CECR2: variants seen among roughly 807,000 people sequenced by gnomAD.
CECR2 encodes the protein CECR2 histone acetyl-lysine reader.
Under a neutral mutation model 154.5 loss-of-function variants are expected in CECR2, and 30 were observed. The observed-to-expected ratio is 0.19, with a 90% CI of 0.15 to 0.26. The LOEUF is 0.26. Ranked by LOEUF, CECR2 falls within the 10% of genes least tolerant of loss-of-function variation. The pLI, the probability that CECR2 is intolerant of heterozygous loss-of-function variation, is 1.00. For synonymous variants in CECR2, 725 were observed against 683.7 expected, an observed-to-expected ratio of 1.06 and a Z score of -0.94; for missense variants, 1,743 against 1,829.3, an observed-to-expected ratio of 0.95 and a Z score of 0.86.
intron 8 of CECR2, among the ~76,000 whole-genome samples, chr22:17,521,127 G>A (rs1210908736): frequency 6.6e-6 from 1 of 152,100 alleles, no homozygotes; most frequent in African/African-American, 2.4e-5. Context: ...TTTAATGATC[G>A]CCATTCTAAC....
chr22:17,508,086 T>C (rs2055879044), intron 7 of CECR2, among the ~76,000 whole-genome samples: 1 of 152,222 alleles, frequency 6.6e-6, no homozygotes, highest in African/African-American at 2.4e-5. Flanking sequence ...CCATAGTATA[T>C]ACAATAATGC....
In CECR2 at chr22:17,478,197, G is replaced by A. The variant is rs540018538; in HGVS notation, c.221+515G>A. On this transcript the variant is annotated intron_variant, in intron 2 of 18. Transcript: ENST00000262608. Reference sequence around the variant, plus strand: ...TTGTTTTGATCTTTACTTAATACACGTTTCTTTGCTATGTGTCTATATAGG... The same window carrying A: ...TTGTTTTGATCTTTACTTAATACACATTTCTTTGCTATGTGTCTATATAGG... Among the ~76,000 whole-genome samples the A allele has an allele frequency of 1.0e-3, 152 of 152,096 alleles. 8 individuals are homozygous for A. The South Asian group carries it at 0.03, about 30-fold the overall frequency.
At chr22:17,541,170 A>T (rs2056517346) in intron 14 of CECR2, among the ~76,000 whole-genome samples, 1 of 152,106 alleles carries the variant, frequency 6.6e-6, no homozygotes, top group Non-Finnish European at 1.5e-5. Context: ...AAAAATATGT[A>T]ATCTGGCTGG....
At chr22:17,415,572 T>C (rs1417527771) in intron 1 of CECR2, among the ~76,000 whole-genome samples, 1 of 152,230 alleles carries the variant, frequency 6.6e-6, no homozygotes, top group Non-Finnish European at 1.5e-5. Context: ...TTTAAATTAC[T>C]GTGCCTTCTA....
chr22:17,403,034 G>A (rs923449695), intron 1 of CECR2, among the ~76,000 whole-genome samples: 2 of 152,200 alleles, frequency 1.3e-5, no homozygotes, highest in Admixed American at 6.5e-5. Context: ...GATTACAGGC[G>A]TGAGCCAGCG....
In CECR2 at chr22:17,542,585, G is replaced by A; in HGVS notation, c.2442G>A (p.Met814Ile). The A allele has an allele frequency of 1.2e-6, 2 of 1,613,944 alleles. No individual in the cohort carries two copies. The highest frequency in any genetic ancestry group is 1.7e-6 in the Non-Finnish European group (2 of 1,179,858). The change falls in exon 16 of 19, where the codon ATG becomes ATA. Residue 814 changes from methionine to isoleucine, a missense_variant. This residue lies in a region of CECR2 where 1,250 missense variants were observed against 1,192.1 expected (regional missense o/e 1.05). Coordinates refer to ENST00000262608, the MANE Select transcript of CECR2 (RefSeq NM_001290047.2). Reference protein sequence around the residue: ...TLGHVMDSRVMRPPVPPNQWT... With the variant: ...TLGHVMDSRVIRPPVPPNQWT... ...GTCACGTGATGGATTCCCGAGTCAT[G>A]AGACCACCTGTCCCCCCCAACCAGT...
Position 17,542,868 on chromosome 22 carries a change from C to T in CECR2, c.2725C>T (p.His909Tyr). 2.5e-6 allele frequency: 4 copies of T among 1,613,958 alleles called. No homozygotes were observed. The highest frequency in any genetic ancestry group is 4.5e-5 in the East Asian group (2 of 44,860). ...GCCTTACCACCCCCACCAGCCTGCA[C>T]ACCCCCGTTTACCTGGCCCTTTTCC... Reference protein sequence around the residue: ...GVPYHPHQPAHPRLPGPFPQV... With the variant: ...GVPYHPHQPAYPRLPGPFPQV... The change falls in exon 16 of 19, where the codon CAC (histidine) becomes TAC (tyrosine). Residue 909 changes from histidine (H) to tyrosine (Y), a missense_variant. Coordinates refer to ENST00000262608, the MANE Select transcript of CECR2 (RefSeq NM_001290047.2).
rs369500490 is a variant in CECR2 at position 17,548,505 on chromosome 22, G to C, written c.3218G>C (p.Ser1073Thr). The change falls in exon 17 of 19, where the codon AGC (serine) becomes ACC (threonine). Residue 1073 changes from serine (S) to threonine (T), a missense_variant. Physicochemically the swap from Ser to Thr is moderately conservative, Grantham distance 58. Transcript: ENST00000262608. ...GGATCGGAGGGGAAGGGCCTTGGTA[G>C]CAGTGGTTCCGAAAAGCTGCTCTGC... is the stretch of plus-strand genomic sequence containing the variant. ...PCGSEGKGLGSSGSEKLLCPR... is the reference protein window; with the variant it reads ...PCGSEGKGLGTSGSEKLLCPR... 147 of 1,613,694 alleles carry C rather than the reference G, an allele frequency of 9.1e-5. No individual in the cohort carries two copies. Among genetic ancestry groups the C allele is most frequent in the Non-Finnish European group, 1.2e-4 (145 of 1,179,858 alleles).
Position 17,371,020 on chromosome 22 carries a change from G to A in CECR2, c.126+1111G>A, listed in dbSNP as rs543648160. 1.5e-4 allele frequency among the ~76,000 whole-genome samples: 23 copies of A among 152,250 alleles called. No homozygotes were observed. In the Middle Eastern group the frequency reaches 0.01, roughly 68 times the overall value. ...CAAAATTAGAGCCACTCTTTTGGAA[G>A]AGCAAATCGTTGTTGTTGCCTCCCC... On this transcript the variant is annotated intron_variant, in intron 1 of 18. Transcript: ENST00000262608.
At chr22:17,364,481 C>A (rs1234993302), upstream of CECR2, among the ~76,000 whole-genome samples, 7 of 151,956 alleles carry the variant, frequency 4.6e-5, no homozygotes, top group African/African-American at 4.8e-5. Flanking sequence ...GTATCCAGGT[C>A]AGGTTGGCAA....
chr22:17,410,309 C>T (rs2054048532), intron 1 of CECR2, among the ~76,000 whole-genome samples: 1 of 152,028 alleles, frequency 6.6e-6, no homozygotes, highest in Non-Finnish European at 1.5e-5. Flanking sequence ...TGTCACTGCC[C>T]CACTCTACTG....
At chr22:17,464,013 A>G (rs1014934492) in intron 1 of CECR2, among the ~76,000 whole-genome samples, 5 of 152,232 alleles carry the variant, frequency 3.3e-5, no homozygotes, top group Admixed American at 3.3e-4. Flanking sequence ...ATCAACTTAA[A>G]TGCTGCTTTT....
intron 1 of CECR2, among the ~76,000 whole-genome samples, chr22:17,391,579 G>A (rs890210653): frequency 6.6e-6 from 1 of 152,088 alleles, no homozygotes; most frequent in Non-Finnish European, 1.5e-5. Context: ...GTGAGGGCCT[G>A]GCCCAAATAG....
chr22:17,401,930 C>A (rs116824136), intron 1 of CECR2, among the ~76,000 whole-genome samples: 3,630 of 151,050 alleles, frequency 0.024, 163 homozygotes, highest in African/African-American at 0.083. Flanking sequence ...CCTCCCACTT[C>A]AGCCTGCTGA....
chr22:17,443,213 A>G (rs1159907438), intron 1 of CECR2, among the ~76,000 whole-genome samples: 3 of 152,220 alleles, frequency 2.0e-5, no homozygotes, highest in African/African-American at 7.2e-5. Flanking sequence ...CAAGGCAGGT[A>G]GAATGTTGGG....
intron 1 of CECR2, among the ~76,000 whole-genome samples, chr22:17,411,756 A>G (rs2146568663): frequency 6.6e-6 from 1 of 152,370 alleles, no homozygotes; most frequent in South Asian, 2.1e-4. Context: ...AATTGAGAGA[A>G]GCAAAAAGAA....
In CECR2 at chr22:17,549,557, C is replaced by CCAT; in HGVS notation, c.4273_4275dup (p.Ser1425dup). 4 of 1,584,620 alleles carry CCAT rather than the reference C, an allele frequency of 2.5e-6. No homozygotes were observed. The highest frequency in any genetic ancestry group is 3.4e-6 in the Non-Finnish European group (4 of 1,164,372). ...AGGACCTTTCCAGGAAATGTACAGA[C>CCAT]CATCAGGGTAAGATTGCATTCAGGC... On this transcript the variant is annotated inframe_insertion, in exon 17 of 19. Transcript: ENST00000262608.
rs1046227646 is a variant in CECR2, at chr22:17,524,003, A to G, written c.955-115A>G. On this transcript the variant is annotated intron_variant, in intron 8 of 18. Transcript: ENST00000262608. ...GATAACAAAATCAGCTTTTCGTGATATAAAGTCCCTAGCTAATATTATTTG... is the reference window on the plus strand; with the variant it reads ...GATAACAAAATCAGCTTTTCGTGATGTAAAGTCCCTAGCTAATATTATTTG... 42 of 794,686 alleles carry G rather than the reference A, an allele frequency of 5.3e-5. No homozygotes were observed. The African/African-American group carries it at 7.2e-4, about 14-fold the overall frequency. The allele number at this position is 794,686 out of a possible 1,614,324, so 49.2% of individuals were successfully genotyped here. A position where few individuals can be genotyped will look rare whatever the true frequency, so the allele number is the denominator to read the frequency against.
chr22:17,406,242 C>T (rs779198226), intron 1 of CECR2, among the ~76,000 whole-genome samples: 2 of 152,028 alleles, frequency 1.3e-5, no homozygotes, highest in Non-Finnish European at 2.9e-5. Context: ...TGTGTAGGAC[C>T]GGGCATGGTG....
Sources: allele counts gnomAD v4.1 joint callset (sites outside exome capture counted in the v4.1 genomes callset), GRCh38; gene constraint gnomAD v4.1.1; regional missense constraint gnomAD v4.1.1; transcripts MANE v1.5; gene names NCBI Gene and HGNC (gene_info 2026-07-23, HGNC 2026-07-21).